The following URM1 variants were observed in gnomAD, a reference collection of about 807,000 sequenced individuals.
URM1 encodes ubiquitin related modifier 1.
Under a neutral mutation model 17.7 loss-of-function variants are expected in URM1, and 11 were observed. The ratio of observed to expected loss-of-function variants is 0.62; its 90% CI spans 0.39 to 1.03. The LOEUF (loss-of-function observed/expected upper bound fraction) is 1.03. Among genes scored for constraint, URM1 ranks in the 50% least tolerant of loss-of-function variants. The pLI, the probability that URM1 is intolerant of heterozygous loss-of-function variation, is 0.00. For missense variants in URM1, 128 were observed against 129.2 expected (o/e 0.99, Z 0.04); for synonymous variants, 48 against 50.6 (o/e 0.95, Z 0.22).
At chr9:128,372,476 T>C (rs1199403320) in intron 1 of URM1, among the ~76,000 whole-genome samples, 3 of 152,180 alleles carry the variant, frequency 2.0e-5, no homozygotes, top group Non-Finnish European at 4.4e-5. Context: ...GTGCCTACCA[T>C]GTGCCGGGCA....
chr9:128,377,870 AG>A, intron 1 of URM1, 165 bp from the exon 2 acceptor site: 1 of 665,090 alleles, frequency 1.5e-6, no homozygotes, highest in Non-Finnish European at 2.7e-6. Context: ...TAAGAAAGAA[AG>A]GGGGAGAAAA....
At chr9:128,380,815 T>C (rs1833150164) in intron 2 of URM1, among the ~76,000 whole-genome samples, 1 of 151,914 alleles carries the variant, frequency 6.6e-6, no homozygotes, top group African/African-American at 2.4e-5. Context: ...TGTGTATGTT[T>C]TTTTTTGTTT....
chr9:128,386,426 TC>T (rs1335640337), intron 2 of URM1, among the ~76,000 whole-genome samples: 1 of 152,220 alleles, frequency 6.6e-6, no homozygotes, highest in African/African-American at 2.4e-5. Context: ...AAGACTCTGA[TC>T]TGCTTTGTTT....
intron 3 of URM1, chr9:128,388,641 TC>T: frequency 1.0e-6 from 1 of 986,412 alleles, no homozygotes. Context: ...CCAGCAGTGC[TC>T]CTTGGGCCAT....
Position 128,387,264 on chromosome 9 carries a change from A to G in URM1, c.107-552A>G, listed in dbSNP as rs1295558297. On this transcript the variant is annotated intron_variant, in intron 2 of 4. Coordinates refer to ENST00000372853, the MANE Select transcript of URM1 (RefSeq NM_030914.4). This position sits in a 1 kb window ranked among gnomAD's most constrained non-coding sequence, Gnocchi z 4.3. ...GATTTGTCAGCATCCCTAGCTGGTGAATGATCCTTCTCTCCCTCTGCCAGA... is the reference window on the plus strand; with the variant it reads ...GATTTGTCAGCATCCCTAGCTGGTGGATGATCCTTCTCTCCCTCTGCCAGA... Among the ~76,000 whole-genome samples, 1 of 152,230 alleles carries G rather than the reference A, an allele frequency of 6.6e-6. No individual in the cohort carries two copies. The highest frequency in any genetic ancestry group is 1.5e-5 in the Non-Finnish European group (1 of 68,026).
In URM1 at chr9:128,389,849, G is replaced by C; in HGVS notation, c.*115G>C. ...CCTTGCCTGCCTTCTTCCCTGCTCT[G>C]TCCCCTAAGCTCCCTCCAGGCAGGG... On this transcript the variant is annotated 3_prime_UTR_variant, in exon 5 of 5. Coordinates refer to ENST00000372853, the MANE Select transcript of URM1 (RefSeq NM_030914.4). The C allele has an allele frequency of 7.0e-7, 1 of 1,421,424 alleles. No individual in the cohort carries two copies. The highest frequency in any genetic ancestry group is 2.4e-5 in the East Asian group (1 of 41,206). The allele number at this position is 1,421,424 out of a possible 1,614,324, so 88.1% of individuals were successfully genotyped here.
At chr9:128,374,672 CG>C (rs1833054342) in intron 1 of URM1, among the ~76,000 whole-genome samples, 1 of 152,196 alleles carries the variant, frequency 6.6e-6, no homozygotes, top group South Asian at 2.1e-4. Context: ...TGCCTCCCAG[CG>C]GGCTGTCTCA....
chr9:128,372,230 CT>C (rs1317710608), intron 1 of URM1, among the ~76,000 whole-genome samples: 1 of 151,954 alleles, frequency 6.6e-6, no homozygotes, highest in Non-Finnish European at 1.5e-5. Flanking sequence ...GGGTGGTGTA[CT>C]TTACAGTATC....
At chr9:128,373,857 G>C (rs950938337) in intron 1 of URM1, among the ~76,000 whole-genome samples, 7 of 152,152 alleles carry the variant, frequency 4.6e-5, no homozygotes, top group African/African-American at 7.2e-5. Context: ...CCTGTTTTAG[G>C]CAGAGCTTGC....
At chr9:128,382,373 C>G (rs1247534968) in intron 2 of URM1, among the ~76,000 whole-genome samples, 1 of 152,150 alleles carries the variant, frequency 6.6e-6, no homozygotes, top group Non-Finnish European at 1.5e-5. Context: ...GAGTCTTACC[C>G]TTCCCCCAAG....
intron 1 of URM1, among the ~76,000 whole-genome samples, chr9:128,374,035 G>C (rs529760088): frequency 6.6e-6 from 1 of 152,222 alleles, no homozygotes; most frequent in Non-Finnish European, 1.5e-5. Context: ...CCAAGAATTG[G>C]GGGGGTTGAA....
At chr9:128,378,874 G>A (rs1329044046) in intron 2 of URM1, among the ~76,000 whole-genome samples, 2 of 151,136 alleles carry the variant, frequency 1.3e-5, no homozygotes, top group African/African-American at 4.9e-5. Context: ...TTAAACCTGG[G>A]AGGCAGAGGT....
Position 128,391,825 on chromosome 9 carries a change from A to G in URM1, c.*2091A>G, listed in dbSNP as rs1833320285. 6.6e-6 allele frequency: 1 copy of G among 152,202 alleles called. No individual in the cohort carries two copies. Among genetic ancestry groups the G allele is most frequent in the African/African-American group, 2.4e-5 (1 of 41,434 alleles). The allele number at this position is 152,202 out of a possible 1,614,324, so 9.4% of individuals were successfully genotyped here. On this transcript the variant is annotated 3_prime_UTR_variant, in exon 5 of 5. Coordinates refer to ENST00000372853, the MANE Select transcript of URM1 (RefSeq NM_030914.4). ...TTTCTTGGCACATGGGGGTGCAAGC[A>G]CTGTGGTTGAAATTGGCCATGTCCA...
chr9:128,378,598 T>C (rs1349687667), intron 2 of URM1, among the ~76,000 whole-genome samples: 5 of 104,294 alleles, frequency 4.8e-5, no homozygotes, highest in African/African-American at 3.5e-5. Flanking sequence ...TGAACAAATA[T>C]ACACTGAGCA....
At position 128,379,415 on chromosome 9, in the gene URM1, G is replaced by T. The variant is rs1402678822; in HGVS notation, c.106+1309G>T. ...AATTGCTTGAACCTGAGAGGCAGAG[G>T]TTGCAGTGAACCAAGATCGCACCAT... On this transcript the variant is annotated intron_variant, in intron 2 of 4. Transcript: ENST00000372853. 3.9e-5 allele frequency among the ~76,000 whole-genome samples: 6 copies of T among 152,166 alleles called. No homozygotes were observed. In the South Asian group the frequency reaches 6.2e-4, roughly 16 times the overall value.
intron 4 of URM1, 166 bp downstream of exon 4, chr9:128,389,475 A>T (rs1205864192): frequency 5.8e-6 from 9 of 1,563,530 alleles, no homozygotes; most frequent in Non-Finnish European, 7.8e-6. Flanking sequence ...TGAGGAAGGG[A>T]TGGGTAGCTG....
At position 128,387,117 on chromosome 9, in the gene URM1, A is replaced by G. The variant is rs965532918; in HGVS notation, c.107-699A>G. On this transcript the variant is annotated intron_variant, in intron 2 of 4. Transcript: ENST00000372853. This position sits in a 1 kb window ranked among gnomAD's most constrained non-coding sequence, Gnocchi z 4.3. ...ACAAGGAGGCTGGTGGCTCCCCCAGAACCACAAGGAGGCAGATCTCAGTGT... is the reference window on the plus strand; with the variant it reads ...ACAAGGAGGCTGGTGGCTCCCCCAGGACCACAAGGAGGCAGATCTCAGTGT... Among the ~76,000 whole-genome samples the G allele has an allele frequency of 2.0e-5, 3 of 152,204 alleles. No individual in the cohort carries two copies. Among genetic ancestry groups the G allele is most frequent in the Non-Finnish European group, 4.4e-5 (3 of 68,030 alleles).
intron 1 of URM1, among the ~76,000 whole-genome samples, chr9:128,375,868 A>G (rs576792832): frequency 2.8e-4 from 43 of 152,126 alleles, no homozygotes; most frequent in Non-Finnish European, 4.9e-4. Context: ...CTGGCCCCCA[A>G]AGTATTTTAA....
chr9:128,377,123 T>A (rs1271196570), intron 1 of URM1, among the ~76,000 whole-genome samples: 1 of 152,174 alleles, frequency 6.6e-6, no homozygotes, highest in Non-Finnish European at 1.5e-5. Flanking sequence ...CATCTCGCCT[T>A]GGCCTCCCAC....
Sources: allele counts gnomAD v4.1 joint callset (sites outside exome capture counted in the v4.1 genomes callset), GRCh38; gene constraint gnomAD v4.1.1; non-coding constraint Gnocchi (gnomAD v3.1); transcripts MANE v1.5; gene names NCBI Gene and HGNC (gene_info 2026-07-23, HGNC 2026-07-21).